The following RYR3 variants were observed in gnomAD, a reference collection of about 807,000 sequenced individuals.
RYR3 encodes ryanodine receptor 3.
In RYR3, 207 loss-of-function variants were observed where a neutral mutation model predicts 584.3. The ratio of observed to expected loss-of-function variants is 0.35; its 90% CI spans 0.32 to 0.40. RYR3 has a LOEUF of 0.40. Among genes scored for constraint, RYR3 ranks in the 10% least tolerant of loss-of-function variants. The pLI is 1.00. For missense variants in RYR3, 5,616 were observed against 6,089.2 expected (o/e 0.92, Z 2.59); for synonymous variants, 2,416 against 2,248.5 (o/e 1.07, Z -2.11).
At chr15:33,570,852 G>T (rs928882905) in intron 12 of RYR3, among the ~76,000 whole-genome samples, 33 of 150,150 alleles carry the variant, frequency 2.2e-4, no homozygotes, top group Admixed American at 9.9e-4. Context: ...TTATTTTTTT[G>T]ATTTCATTTC....
intron 2 of RYR3, among the ~76,000 whole-genome samples, chr15:33,476,159 T>C (rs1221170489): frequency 6.6e-6 from 1 of 152,226 alleles, no homozygotes; most frequent in East Asian, 1.9e-4. Flanking sequence ...TACAAATTCA[T>C]GTAACTATCA....
chr15:33,756,506 C>T (rs72715130), intron 59 of RYR3, 133 bp downstream of exon 59: 12,389 of 715,480 alleles, frequency 0.017, 161 homozygotes, highest in Middle Eastern at 0.024. Context: ...ATTTCTCTGT[C>T]GTGTAACAGT....
In RYR3 at chr15:33,662,507, A is replaced by G; in HGVS notation, c.4977A>G (p.Thr1659=). 6.2e-7 allele frequency: 1 copy of G among 1,613,958 alleles called. No individual in the cohort carries two copies. Residue 1659 remains threonine (T), a synonymous_variant, in exon 35 of 104, where the codon ACA becomes ACG. Transcript: ENST00000634891. ...GACTGCCTGGGGTGGGCCTGAGAAC[A>G]TGTCTCAAGCCCGGGTTCAGGTTCT... ...RHGLPGVGLR[T]CLKPGFRFST... is the part of the protein sequence containing the mutation.
intron 1 of RYR3, among the ~76,000 whole-genome samples, chr15:33,440,106 A>AG (rs2046092367): frequency 6.6e-6 from 1 of 152,144 alleles, no homozygotes; most frequent in South Asian, 2.1e-4. Context: ...TGGGCAACAT[A>AG]GGGAGACCCT....
chr15:33,589,170 A>G (rs968716190), intron 16 of RYR3, among the ~76,000 whole-genome samples: 4 of 152,158 alleles, frequency 2.6e-5, no homozygotes, highest in Non-Finnish European at 4.4e-5. Context: ...TGTTAAGATG[A>G]CATCTCATAG....
chr15:33,519,326 CAG>C (rs975194120), intron 3 of RYR3, among the ~76,000 whole-genome samples: 6 of 152,180 alleles, frequency 3.9e-5, no homozygotes, highest in African/African-American at 1.4e-4. Flanking sequence ...GAGAGAGAAG[CAG>C]AGAGAGTCAA....
In RYR3 at chr15:33,788,299, A is replaced by G; in HGVS notation, c.9671A>G (p.Lys3224Arg). 1 of 1,614,014 alleles carries G rather than the reference A, an allele frequency of 6.2e-7. No homozygotes were observed. The highest frequency in any genetic ancestry group is 1.7e-5 in the Admixed American group (1 of 60,030). Residue 3224 changes from lysine to arginine, a missense_variant, in exon 67 of 104, where the codon AAA becomes AGA. By Grantham distance (26) the Lys-to-Arg change is conservative. Transcript: ENST00000634891. ...ATCCCAACTCTGGAGAAGCTGAAGAAAAAGGCTGTCAAGACGGTGCAGGAG... is the reference window on the plus strand; with the variant it reads ...ATCCCAACTCTGGAGAAGCTGAAGAGAAAGGCTGTCAAGACGGTGCAGGAG... ...HFIPTLEKLK[K>R]KAVKTVQEEE... is the part of the protein sequence containing the mutation.
At chr15:33,488,719 A>G (rs977534214) in intron 2 of RYR3, among the ~76,000 whole-genome samples, 2 of 152,054 alleles carry the variant, frequency 1.3e-5, no homozygotes, top group Non-Finnish European at 2.9e-5. Context: ...AGGCATGGTG[A>G]CACGTGCCTA....
intron 51 of RYR3, among the ~76,000 whole-genome samples, chr15:33,741,892 G>T (rs1045136977): frequency 3.9e-5 from 6 of 152,106 alleles, no homozygotes; most frequent in Admixed American, 2.6e-4. Flanking sequence ...GGGATTACAG[G>T]CGTGAGCCAC....
At chr15:33,725,586 C>T (rs2339337) in intron 45 of RYR3, among the ~76,000 whole-genome samples, 114,302 of 151,958 alleles carry the variant, frequency 0.75, 43,642 homozygotes, top group East Asian at 0.96. Flanking sequence ...ACATTCTCTA[C>T]ACCCTTTTTG....
chr15:33,853,728 A>G lies in RYR3; in HGVS notation c.13799+46A>G, dbSNP rs563332674. ...CAAATCCAAAGCAGCTAAAATAGAT[A>G]GATCTTTGCTTTTCCATAGGAAAAA... On this transcript the variant is annotated intron_variant, in intron 96 of 103. Coordinates refer to ENST00000634891, the MANE Select transcript of RYR3 (RefSeq NM_001036.6). The G allele has an allele frequency of 3.8e-6, 6 of 1,584,118 alleles. No individual in the cohort carries two copies. The African/African-American group carries it at 8.1e-5, about 21-fold the overall frequency.
chr15:33,822,934 G>C (rs1480955316), intron 80 of RYR3, 62 bp from the exon 81 acceptor site: 1 of 1,377,194 alleles, frequency 7.3e-7, no homozygotes, highest in Admixed American at 1.9e-5. Context: ...TCAGGATTAG[G>C]AGGGTCAGCT....
chr15:33,663,422 C>T, intron 35 of RYR3, 115 bp from the exon 36 acceptor site: 1 of 833,556 alleles, frequency 1.2e-6, no homozygotes, highest in Admixed American at 2.2e-5. Flanking sequence ...AGCTTTATGG[C>T]TACTGTGTGG....
chr15:33,786,163 C>T (rs1321735221), intron 66 of RYR3, among the ~76,000 whole-genome samples, 181 bp downstream of exon 66: 1 of 152,208 alleles, frequency 6.6e-6, no homozygotes, highest in South Asian at 2.1e-4. Context: ...GAAGAGCTTC[C>T]TGGAGCCAAT....
chr15:33,357,474 C>T (rs983515125), intron 1 of RYR3, among the ~76,000 whole-genome samples: 1 of 152,164 alleles, frequency 6.6e-6, no homozygotes, highest in African/African-American at 2.4e-5. Flanking sequence ...TAGAATTTTT[C>T]TGGCATTCAA....
chr15:33,546,255 G>A (rs994804949), intron 8 of RYR3, among the ~76,000 whole-genome samples: 1 of 152,124 alleles, frequency 6.6e-6, no homozygotes. Flanking sequence ...TGTGACCTGG[G>A]TGAGCCACTT....
intron 38 of RYR3, among the ~76,000 whole-genome samples, chr15:33,694,969 CTG>C (rs879883957): frequency 2.0e-5 from 3 of 152,204 alleles, no homozygotes; most frequent in Non-Finnish European, 2.9e-5. Flanking sequence ...TGAGCCAAGA[CTG>C]TATATAGAGC....
intron 64 of RYR3, among the ~76,000 whole-genome samples, chr15:33,774,371 C>A (rs909017394): frequency 2.0e-5 from 3 of 152,168 alleles, no homozygotes; most frequent in Non-Finnish European, 4.4e-5. Context: ...GGAAAGAATT[C>A]GGTCTGTGCT....
At chr15:33,430,274 T>A (rs1350470508) in intron 1 of RYR3, among the ~76,000 whole-genome samples, 1 of 152,216 alleles carries the variant, frequency 6.6e-6, no homozygotes, top group East Asian at 1.9e-4. Context: ...AACTCCCTGA[T>A]GCGTTACAGA....
Sources: allele counts gnomAD v4.1 joint callset (sites outside exome capture counted in the v4.1 genomes callset), GRCh38; gene constraint gnomAD v4.1.1; transcripts MANE v1.5; gene names NCBI Gene and HGNC (gene_info 2026-07-23, HGNC 2026-07-21).